The following MBD5 variants were observed in gnomAD, a reference collection of about 807,000 sequenced individuals.
The protein encoded by MBD5 is methyl-CpG binding domain protein 5.
In MBD5, 13 loss-of-function variants were observed where a neutral mutation model predicts 117.3. The observed-to-expected ratio is 0.11, with a 90% CI of 0.07 to 0.18. The LOEUF is 0.18. MBD5 is among the 10% of genes least tolerant of loss of function. The pLI, the probability that MBD5 is intolerant of heterozygous loss-of-function variation, is 1.00. For missense variants in MBD5, 1,879 were observed against 2,093.8 expected, an observed-to-expected ratio of 0.90 and a Z score of 2.00; for synonymous variants, 727 against 766.4, an observed-to-expected ratio of 0.95 and a Z score of 0.85.
chr2:148,129,869 G>A (rs964588744), intron 1 of MBD5, among the ~76,000 whole-genome samples: 21 of 152,074 alleles, frequency 1.4e-4, no homozygotes, highest in African/African-American at 4.6e-4. Flanking sequence ...TAAACTTTCT[G>A]TACTAATTTC....
intron 1 of MBD5, among the ~76,000 whole-genome samples, chr2:148,135,690 T>C (rs16828296): frequency 0.021 from 3,262 of 152,266 alleles, 122 homozygotes; most frequent in African/African-American, 0.074. Context: ...GCCCAGGATT[T>C]TTTGCTCTGT....
intron 2 of MBD5, among the ~76,000 whole-genome samples, chr2:148,200,002 G>T (rs929880049): frequency 6.6e-6 from 1 of 152,096 alleles, no homozygotes; most frequent in African/African-American, 2.4e-5. Flanking sequence ...TCTTATGATA[G>T]AAAAATTCCT....
At chr2:148,165,156 T>C (rs1023123991) in intron 1 of MBD5, among the ~76,000 whole-genome samples, 1 of 152,184 alleles carries the variant, frequency 6.6e-6, no homozygotes, top group Non-Finnish European at 1.5e-5. Flanking sequence ...CCAATCTCTT[T>C]ATTTCGTAGT....
chr2:148,191,036 C>G (rs1698814459), intron 2 of MBD5, among the ~76,000 whole-genome samples: 1 of 148,252 alleles, frequency 6.7e-6, no homozygotes, highest in Admixed American at 6.7e-5. Context: ...GTAAAGGGAT[C>G]AATTCAACAA....
chr2:148,149,529 G>T (rs200874322), intron 1 of MBD5, among the ~76,000 whole-genome samples: 44 of 150,570 alleles, frequency 2.9e-4, no homozygotes, highest in South Asian at 8.5e-4. Flanking sequence ...ACTTCCACAA[G>T]GGTTGAACTA....
In MBD5 at chr2:148,513,820, T is replaced by C. The variant is rs920369837; in HGVS notation, c.*879T>C. Reference sequence around the variant, plus strand: ...TAGTTAACATTTGATAGCCACCTGTTGAAGCAGATAGCTTATACTGACTGC... The same window carrying C: ...TAGTTAACATTTGATAGCCACCTGTCGAAGCAGATAGCTTATACTGACTGC... On this transcript the variant is annotated 3_prime_UTR_variant, in exon 14 of 14. Transcript: ENST00000642680. The C allele has an allele frequency of 3.9e-5, 6 of 152,238 alleles. No homozygotes were observed. The highest frequency in any genetic ancestry group is 1.2e-4 in the African/African-American group (5 of 41,458). 9.4% of individuals were successfully genotyped at this position (152,238 alleles called of 1,614,324 possible).
At chr2:148,369,118 C>T (rs928251913) in intron 4 of MBD5, among the ~76,000 whole-genome samples, 1 of 151,678 alleles carries the variant, frequency 6.6e-6, no homozygotes, top group Non-Finnish European at 1.5e-5. Context: ...ACAAATTCAA[C>T]ATGTGGTAAA....
At chr2:148,463,661 C>A in intron 6 of MBD5, 78 bp from the exon 7 acceptor site, 2 of 1,525,296 alleles carry the variant, frequency 1.3e-6, no homozygotes, top group South Asian at 1.1e-5. Flanking sequence ...CTATGCACAA[C>A]TTTTTTTTTA....
intron 3 of MBD5, among the ~76,000 whole-genome samples, chr2:148,329,755 A>G (rs1702581801): frequency 6.6e-6 from 1 of 152,188 alleles, no homozygotes; most frequent in Admixed American, 6.5e-5. Flanking sequence ...TTTATACAAA[A>G]TATGTATTCA....
In MBD5 at chr2:148,485,672, G is replaced by A. The variant is rs1023511222; in HGVS notation, c.3545-70G>A. The A allele has an allele frequency of 5.2e-5, 61 of 1,174,722 alleles. 1 individual carries two copies. In the East Asian group the frequency reaches 1.0e-3, roughly 19 times the overall value. 72.8% of individuals were successfully genotyped at this position (1,174,722 alleles called of 1,614,324 possible). A position where few individuals can be genotyped will look rare whatever the true frequency, so the allele number is the denominator to read the frequency against. On this transcript the variant is annotated intron_variant, in intron 9 of 13. Coordinates refer to ENST00000642680, the MANE Select transcript of MBD5 (RefSeq NM_001378120.1). ...CTTAGTTTCTGTTTCAGGAATTCTC[G>A]GGTACAAAGAGAGGCATCGAATCTC... is the stretch of plus-strand genomic sequence containing the variant.
chr2:148,065,748 T>C (rs568487448), intron 1 of MBD5, among the ~76,000 whole-genome samples: 4 of 152,206 alleles, frequency 2.6e-5, no homozygotes, highest in Non-Finnish European at 4.4e-5. Context: ...CTGTGAATTA[T>C]AGACTTTTCA....
rs532170058 is a variant in MBD5 at position 148,495,820 on chromosome 2, C to T, written c.4962+5226C>T. Among the ~76,000 whole-genome samples, 435 of 152,276 alleles carry T rather than the reference C, an allele frequency of 2.9e-3. 1 individual carries two copies. The highest frequency in any genetic ancestry group is 4.9e-3 in the Non-Finnish European group (332 of 68,010). Reference sequence around the variant, plus strand: ...AACTTATCTTTATTAAAACTCATAACCAAATCTATTGGGGGGCAATACATT... The same window carrying T: ...AACTTATCTTTATTAAAACTCATAATCAAATCTATTGGGGGGCAATACATT... On this transcript the variant is annotated intron_variant, in intron 11 of 13. Transcript: ENST00000642680.
At chr2:148,294,417 G>T (rs1184870467) in intron 3 of MBD5, among the ~76,000 whole-genome samples, 1 of 149,926 alleles carries the variant, frequency 6.7e-6, no homozygotes, top group Admixed American at 6.7e-5. Flanking sequence ...GTAGAGACAG[G>T]GTTTCACTGT....
rs553306646 is a variant in MBD5 at position 148,328,823 on chromosome 2, C to T, written c.-679-13391C>T. 3.9e-5 allele frequency among the ~76,000 whole-genome samples: 6 copies of T among 152,318 alleles called. No homozygotes were observed. In the South Asian group the frequency reaches 1.2e-3, roughly 32 times the overall value. On this transcript the variant is annotated intron_variant, in intron 3 of 13. Transcript: ENST00000642680. ...TCTTCTGCGTTGCTCACTCTGGGAG[C>T]TGTAGACCGGAGCTGTTCCTATTCG...
chr2:148,506,033 C>A (rs1243048957), intron 12 of MBD5, among the ~76,000 whole-genome samples: 1 of 152,114 alleles, frequency 6.6e-6, no homozygotes, highest in African/African-American at 2.4e-5. Flanking sequence ...TATAAAGATA[C>A]AGGTGAAAGA....
chr2:148,065,694 AG>A (rs1464574992), intron 1 of MBD5, among the ~76,000 whole-genome samples: 1 of 152,240 alleles, frequency 6.6e-6, no homozygotes, highest in African/African-American at 2.4e-5. Flanking sequence ...CATGGAAAGT[AG>A]GGAATAGGAA....
chr2:148,284,647 C>T (rs1194806363), intron 3 of MBD5, among the ~76,000 whole-genome samples: 1 of 152,152 alleles, frequency 6.6e-6, no homozygotes, highest in Admixed American at 6.5e-5. Flanking sequence ...CTTGTCTGTA[C>T]TGCCACCTTT....
At chr2:148,068,897 T>C (rs1473530056) in intron 1 of MBD5, among the ~76,000 whole-genome samples, 1 of 152,212 alleles carries the variant, frequency 6.6e-6, no homozygotes, top group African/African-American at 2.4e-5. Flanking sequence ...AAGGAAGCTA[T>C]TCAGTCCTTG....
chr2:148,201,735 C>G (rs1342659492), intron 2 of MBD5, among the ~76,000 whole-genome samples: 2 of 152,108 alleles, frequency 1.3e-5, no homozygotes, highest in Non-Finnish European at 2.9e-5. Context: ...AGAGGGGATG[C>G]AAGAGTGGTC....
Sources: gnomAD v4.1 joint callset for allele counts (sites outside exome capture counted in the v4.1 genomes callset) on GRCh38, gnomAD v4.1.1 for gene constraint, MANE v1.5 for transcripts, NCBI Gene and HGNC (gene_info 2026-07-23, HGNC 2026-07-21) for gene names.